The following EXOC4 variants were observed in gnomAD, a reference collection of about 807,000 sequenced individuals.
The protein encoded by EXOC4 is exocyst complex component 4.
In EXOC4, 71 loss-of-function variants were observed where a neutral mutation model predicts 107.2. That is an observed-to-expected ratio of 0.66 (90% CI 0.55 to 0.81). The LOEUF (loss-of-function observed/expected upper bound fraction) is 0.81, where lower values mean the gene tolerates loss of function less well. EXOC4 is among the 30% of genes least tolerant of loss of function. The pLI is 0.00. For missense variants in EXOC4, 1,108 were observed against 1,189.6 expected (o/e 0.93, Z 1.01); for synonymous variants, 456 against 441.2 (o/e 1.03, Z -0.42).
intron 13 of EXOC4, 63 bp from the exon 14 acceptor site, chr7:133,937,828 T>C (rs1317263295): frequency 6.5e-7 from 1 of 1,528,742 alleles, no homozygotes; most frequent in Non-Finnish European, 9.0e-7. Flanking sequence ...CCTAAAACAG[T>C]GTTGCCCGGT....
intron 9 of EXOC4, among the ~76,000 whole-genome samples, chr7:133,540,686 T>C (rs1800363243): frequency 6.6e-6 from 1 of 152,214 alleles, no homozygotes. Flanking sequence ...TCTCTTATTC[T>C]GAAAAATTCC....
rs574909051 is a variant in EXOC4 at position 133,860,068 on chromosome 7, C to T, written c.1735-35531C>T. Among the ~76,000 whole-genome samples the T allele has an allele frequency of 2.6e-5, 4 of 152,262 alleles. No individual in the cohort carries two copies. The South Asian group carries it at 8.3e-4, about 32-fold the overall frequency. On this transcript the variant is annotated intron_variant, in intron 11 of 17. Coordinates refer to ENST00000253861, the MANE Select transcript of EXOC4 (RefSeq NM_021807.4). Reference sequence around the variant, plus strand: ...AAACAAGGTCAAATGTTGGCAATTTCCTACTATTCAACCTATGCAGTTTTG... The same window carrying T: ...AAACAAGGTCAAATGTTGGCAATTTTCTACTATTCAACCTATGCAGTTTTG...
intron 9 of EXOC4, among the ~76,000 whole-genome samples, chr7:133,548,163 A>G (rs967583036): frequency 6.6e-6 from 1 of 152,000 alleles, no homozygotes; most frequent in Non-Finnish European, 1.5e-5. Flanking sequence ...TGTTTACAGC[A>G]TCTTCACCAG....
intron 7 of EXOC4, among the ~76,000 whole-genome samples, chr7:133,427,220 G>A (rs551335959): frequency 6.6e-6 from 1 of 152,246 alleles, no homozygotes; most frequent in South Asian, 2.1e-4. Context: ...GGGATGAGGA[G>A]TATTTGTTTT....
intron 10 of EXOC4, among the ~76,000 whole-genome samples, chr7:133,639,756 T>A (rs1267739868): frequency 6.6e-6 from 1 of 152,228 alleles, no homozygotes; most frequent in East Asian, 1.9e-4. Flanking sequence ...GATGTTTTTA[T>A]GTTGTTTTTA....
At position 133,475,357 on chromosome 7, in the gene EXOC4, A is replaced by G. The variant is rs1468783659; in HGVS notation, c.1212A>G (p.Lys404=). Residue 404 remains lysine (K), a synonymous_variant, in exon 8 of 18, where the codon AAA becomes AAG. Coordinates refer to ENST00000253861, the MANE Select transcript of EXOC4 (RefSeq NM_021807.4). ...TATTAACTGAGTACTTGGATATGAA[A>G]AATACTCGTACGGCCTCTGAACCAT... ...QMLLTEYLDM[K]NTRTASEPSA... is the part of the protein sequence containing the mutation. The G allele has an allele frequency of 6.2e-7, 1 of 1,613,804 alleles. No individual in the cohort carries two copies. Among genetic ancestry groups the G allele is most frequent in the South Asian group, 1.1e-5 (1 of 91,068 alleles).
intron 10 of EXOC4, among the ~76,000 whole-genome samples, chr7:133,687,502 C>T (rs1057039050): frequency 6.6e-6 from 1 of 152,140 alleles, no homozygotes; most frequent in Non-Finnish European, 1.5e-5. Flanking sequence ...CCCTCATTCA[C>T]CATAATTGCT....
chr7:133,695,726 C>T (rs892994816), intron 10 of EXOC4, among the ~76,000 whole-genome samples: 6 of 152,158 alleles, frequency 3.9e-5, no homozygotes. Flanking sequence ...ATAGAGATAG[C>T]ACCTTTTCTA....
intron 9 of EXOC4, among the ~76,000 whole-genome samples, chr7:133,537,291 C>T (rs929857423): frequency 7.1e-6 from 1 of 139,890 alleles, no homozygotes; most frequent in Non-Finnish European, 1.5e-5. Context: ...GTTGGGATTA[C>T]AGGCACCCCC....
intron 1 of EXOC4, among the ~76,000 whole-genome samples, chr7:133,269,667 G>A (rs1380909313): frequency 1.3e-5 from 2 of 152,184 alleles, no homozygotes; most frequent in Non-Finnish European, 2.9e-5. Flanking sequence ...AGCACTTACT[G>A]TCAAAGGGAT....
At chr7:133,976,477 A>G (rs1020077276) in intron 14 of EXOC4, among the ~76,000 whole-genome samples, 1 of 152,234 alleles carries the variant, frequency 6.6e-6, no homozygotes, top group African/African-American at 2.4e-5. Flanking sequence ...CCCAGATTAC[A>G]GCAGATATTC....
intron 10 of EXOC4, among the ~76,000 whole-genome samples, chr7:133,739,470 C>G (rs1795517869): frequency 6.6e-6 from 1 of 152,154 alleles, no homozygotes; most frequent in Non-Finnish European, 1.5e-5. Flanking sequence ...TCAGTTCTCC[C>G]TGTCTCCAGT....
chr7:133,618,405 A>G (rs1427994921), intron 9 of EXOC4, among the ~76,000 whole-genome samples: 1 of 152,130 alleles, frequency 6.6e-6, no homozygotes, highest in African/African-American at 2.4e-5. Flanking sequence ...GTAAATTCCT[A>G]GAACTGAAAT....
chr7:133,821,669 T>C (rs1249920605), intron 11 of EXOC4, among the ~76,000 whole-genome samples: 1 of 152,186 alleles, frequency 6.6e-6, no homozygotes, highest in Non-Finnish European at 1.5e-5. Context: ...AGAAGAACTG[T>C]CTAAATCCCT....
chr7:134,016,888 C>T (rs1794921402), intron 17 of EXOC4, among the ~76,000 whole-genome samples: 1 of 152,204 alleles, frequency 6.6e-6, no homozygotes, highest in African/African-American at 2.4e-5. Context: ...TGCCCACAGA[C>T]AGCCAGACTG....
At chr7:133,400,284 C>G (rs560726921) in intron 7 of EXOC4, among the ~76,000 whole-genome samples, 2 of 152,188 alleles carry the variant, frequency 1.3e-5, no homozygotes, top group African/African-American at 4.8e-5. Context: ...TACATATAAT[C>G]TAATGCAATA....
intron 12 of EXOC4, among the ~76,000 whole-genome samples, chr7:133,898,965 G>A (rs941631972): frequency 1.3e-5 from 2 of 151,608 alleles, no homozygotes; most frequent in Admixed American, 1.3e-4. Flanking sequence ...ATGACAGAGT[G>A]AGACTCCATC....
chr7:133,418,107 G>A (rs1797520227), intron 7 of EXOC4, among the ~76,000 whole-genome samples: 1 of 152,140 alleles, frequency 6.6e-6, no homozygotes, highest in South Asian at 2.1e-4. Context: ...CATCAAACAT[G>A]TTATGAACAT....
chr7:133,276,499 G>T (rs1469102334), intron 2 of EXOC4, among the ~76,000 whole-genome samples: 1 of 151,984 alleles, frequency 6.6e-6, no homozygotes, highest in Non-Finnish European at 1.5e-5. Context: ...TTCTAAAGCC[G>T]TTGTTGCTGA....
Sources: allele counts gnomAD v4.1 joint callset (sites outside exome capture counted in the v4.1 genomes callset), GRCh38; gene constraint gnomAD v4.1.1; transcripts MANE v1.5; gene names NCBI Gene and HGNC (gene_info 2026-07-23, HGNC 2026-07-21).